ROCK1: variants seen among roughly 807,000 people sequenced by gnomAD.
ROCK1 encodes the protein rho-associated protein kinase 1.
In ROCK1, 36 loss-of-function variants were observed where a neutral mutation model predicts 196.8. The ratio of observed to expected loss-of-function variants is 0.18; its 90% confidence interval spans 0.14 to 0.24. The LOEUF (loss-of-function observed/expected upper bound fraction) is 0.24. ROCK1 is among the 10% of genes least tolerant of loss of function. ROCK1 has a pLI of 1.00. For synonymous variants in ROCK1, 443 were observed against 515.9 expected, an observed-to-expected ratio of 0.86 and a Z score of 1.91; for missense variants, 920 against 1,562.0, an observed-to-expected ratio of 0.59 and a Z score of 6.93.
At chr18:21,075,027 A>C (rs1445201990) in intron 1 of ROCK1, among the ~76,000 whole-genome samples, 5 of 152,208 alleles carry the variant, frequency 3.3e-5, no homozygotes, top group Admixed American at 2.6e-4. Flanking sequence ...GAAGGAGTCA[A>C]AGCTGTGATG....
chr18:21,090,685 CTT>C (rs2036562142), intron 1 of ROCK1, among the ~76,000 whole-genome samples: 2 of 152,206 alleles, frequency 1.3e-5, no homozygotes, highest in African/African-American at 2.4e-5. Flanking sequence ...ATCTTCAGCT[CTT>C]GTTACAGAAA....
At chr18:21,081,993 C>T (rs1488638276) in intron 1 of ROCK1, among the ~76,000 whole-genome samples, 1 of 152,006 alleles carries the variant, frequency 6.6e-6, no homozygotes, top group Non-Finnish European at 1.5e-5. Flanking sequence ...ACTCTGTTGC[C>T]CAGGGTGAAG....
chr18:21,020,098 A>T, intron 12 of ROCK1, 53 bp downstream of exon 12: 1 of 1,051,484 alleles, frequency 9.5e-7, no homozygotes, highest in Non-Finnish European at 1.4e-6. Context: ...GCTTTCAAGT[A>T]AGTATTTGGT....
At chr18:21,065,026 A>G (rs1222678534) in intron 2 of ROCK1, among the ~76,000 whole-genome samples, 2 of 152,216 alleles carry the variant, frequency 1.3e-5, no homozygotes, top group Non-Finnish European at 2.9e-5. Context: ...GGCAGAGGCC[A>G]GGGGTGCTGC....
intron 1 of ROCK1, among the ~76,000 whole-genome samples, chr18:21,107,701 G>A (rs553605143): frequency 1.3e-5 from 2 of 152,280 alleles, no homozygotes; most frequent in South Asian, 2.1e-4. Flanking sequence ...AACATCATGC[G>A]AAGAAAATTC....
At chr18:21,025,553 A>G (rs1465738686) in intron 10 of ROCK1, among the ~76,000 whole-genome samples, 1 of 152,096 alleles carries the variant, frequency 6.6e-6, no homozygotes, top group Non-Finnish European at 1.5e-5. Context: ...CCTGGCCAAC[A>G]TGGCAAAACC....
chr18:21,100,177 G>A (rs1455593843), intron 1 of ROCK1, among the ~76,000 whole-genome samples: 6 of 147,062 alleles, frequency 4.1e-5, no homozygotes, highest in Non-Finnish European at 4.5e-5. Context: ...TAAAATGAAA[G>A]AGCCTAACTG....
intron 2 of ROCK1, among the ~76,000 whole-genome samples, chr18:21,051,218 C>G (rs536203246): frequency 7.9e-5 from 12 of 152,218 alleles, no homozygotes; most frequent in Admixed American, 5.2e-4. Flanking sequence ...GAAGCTGAGG[C>G]AAGCGGAATG....
At chr18:21,058,799 G>A (rs574178413) in intron 2 of ROCK1, among the ~76,000 whole-genome samples, 126 of 152,166 alleles carry the variant, frequency 8.3e-4, no homozygotes, top group African/African-American at 2.7e-3. Flanking sequence ...GGCCGATCTC[G>A]AACTCCTGGG....
intron 2 of ROCK1, among the ~76,000 whole-genome samples, chr18:21,063,472 A>G (rs1441319313): frequency 7.0e-6 from 1 of 143,098 alleles, no homozygotes; most frequent in Admixed American, 6.8e-5. Context: ...AGAGAAAAAC[A>G]ACATCTGAAA....
intron 1 of ROCK1, among the ~76,000 whole-genome samples, chr18:21,096,471 G>A (rs1274862347): frequency 6.6e-6 from 1 of 152,208 alleles, no homozygotes; most frequent in Non-Finnish European, 1.5e-5. Flanking sequence ...AAAGTGCTGG[G>A]ATTACAGGCG....
intron 9 of ROCK1, among the ~76,000 whole-genome samples, chr18:21,033,486 T>G (rs2036027796): frequency 6.6e-6 from 1 of 151,960 alleles, no homozygotes; most frequent in Non-Finnish European, 1.5e-5. Context: ...GTCTGAGTAA[T>G]TAGGCAAGAA....
At position 20,986,569 on chromosome 18, in the gene ROCK1, G is replaced by A. The variant is rs1041384378; in HGVS notation, c.2304+381C>T. Among the ~76,000 whole-genome samples, 3 of 152,310 alleles carry A rather than the reference G, an allele frequency of 2.0e-5. No individual in the cohort carries two copies. The East Asian group carries it at 5.8e-4, about 29-fold the overall frequency. Reference sequence around the variant, plus strand: ...TACCCTGTGCTATCAATCTAAGCCAGGAAAGACTGCAGTTAAACACTTTTA... The same window carrying A: ...TACCCTGTGCTATCAATCTAAGCCAAGAAAGACTGCAGTTAAACACTTTTA... On this transcript the variant is annotated intron_variant, in intron 19 of 32. Transcript: ENST00000399799.
intron 13 of ROCK1, among the ~76,000 whole-genome samples, chr18:21,011,330 C>T (rs373407759): frequency 5.5e-4 from 84 of 152,228 alleles, no homozygotes; most frequent in African/African-American, 1.9e-3. Flanking sequence ...CCTTGTAAGG[C>T]CTTTTCAGTG....
chr18:21,061,233 C>T (rs1278787985), intron 2 of ROCK1, among the ~76,000 whole-genome samples: 2 of 151,958 alleles, frequency 1.3e-5, no homozygotes, highest in African/African-American at 2.4e-5. Context: ...CACCTGCCAC[C>T]ATACCCGGCT....
intron 1 of ROCK1, among the ~76,000 whole-genome samples, chr18:21,078,075 T>TC (rs2036449345): frequency 6.6e-6 from 1 of 152,152 alleles, no homozygotes; most frequent in South Asian, 2.1e-4. Flanking sequence ...ATGCCTGTAA[T>TC]CCCAGCACTT....
intron 2 of ROCK1, among the ~76,000 whole-genome samples, chr18:21,059,132 G>A (rs1211943009): frequency 6.6e-6 from 1 of 152,128 alleles, no homozygotes; most frequent in Non-Finnish European, 1.5e-5. Flanking sequence ...TATAGTTCTA[G>A]ATAAGATACT....
At chr18:21,068,606 T>C (rs1486168865) in intron 2 of ROCK1, among the ~76,000 whole-genome samples, 1 of 152,198 alleles carries the variant, frequency 6.6e-6, no homozygotes, top group Non-Finnish European at 1.5e-5. Context: ...CCATGAACAT[T>C]GAATATCTTG....
intron 2 of ROCK1, among the ~76,000 whole-genome samples, chr18:21,056,874 T>C (rs2036248983): frequency 6.6e-6 from 1 of 152,188 alleles, no homozygotes; most frequent in Admixed American, 6.5e-5. Flanking sequence ...GCCTTTGCAC[T>C]AGCTGCTCCT....
Sources: allele counts gnomAD v4.1 joint callset (sites outside exome capture counted in the v4.1 genomes callset), GRCh38; gene constraint gnomAD v4.1.1; transcripts MANE v1.5; gene names NCBI Gene and HGNC (gene_info 2026-07-23, HGNC 2026-07-21).